The following SUGCT variants were observed in gnomAD, a reference collection of about 807,000 sequenced individuals.
The protein encoded by SUGCT is succinyl-CoA:glutarate-CoA transferase, also known as succinyl-CoA:glutarate CoA-transferase.
SUGCT carries 41 observed loss-of-function variants against 55.0 expected under a neutral mutation model. The observed-to-expected ratio is 0.74, with a 90% CI of 0.58 to 0.97. The LOEUF is 0.97. Among genes scored for constraint, SUGCT ranks in the 50% least tolerant of loss-of-function variants. The probability of loss-of-function intolerance (pLI) is 0.00; values close to 1 mark genes in which losing one functional copy is unlikely to be tolerated. For synonymous variants in SUGCT, 187 were observed against 200.4 expected, an observed-to-expected ratio of 0.93 and a Z score of 0.56; for missense variants, 568 against 547.8, an observed-to-expected ratio of 1.04 and a Z score of -0.37.
chr7:40,188,570 G>A lies in SUGCT; in HGVS notation c.302G>A (p.Arg101Gln), dbSNP rs376341860. The A allele has an allele frequency of 2.8e-5, 44 of 1,596,996 alleles. No homozygotes were observed. Among genetic ancestry groups the A allele is most frequent in the East Asian group, 9.1e-5 (4 of 44,148 alleles). ...TESTYYLSVNRNKKSIAVNIK... is the reference protein window; with the variant it reads ...TESTYYLSVNQNKKSIAVNIK... ...AGTACATATTATCTCAGTGTTAACC[G>A]AAATAAAAAAGTAAGAATATCATCC... Residue 101 changes from arginine (R) to glutamine (Q), a missense_variant, in exon 4 of 14, where the codon CGA becomes CAA. Physicochemically the swap from Arg to Gln is conservative, Grantham distance 43. Transcript: ENST00000335693.
At chr7:40,571,473 C>G (rs1584015020) in intron 12 of SUGCT, among the ~76,000 whole-genome samples, 2 of 152,004 alleles carry the variant, frequency 1.3e-5, no homozygotes, top group South Asian at 2.1e-4. Context: ...CATTATTTTC[C>G]TATTTCAAAA....
chr7:40,528,658 T>C (rs573415409), intron 12 of SUGCT, among the ~76,000 whole-genome samples: 10 of 152,326 alleles, frequency 6.6e-5, no homozygotes, highest in Non-Finnish European at 1.0e-4. Flanking sequence ...ATGAAAATCT[T>C]TTCTTCTGAA....
intron 9 of SUGCT, among the ~76,000 whole-genome samples, chr7:40,409,405 G>T (rs1583618038): frequency 6.6e-6 from 1 of 152,052 alleles, no homozygotes; most frequent in East Asian, 1.9e-4. Context: ...GACTACAGGT[G>T]TGCACCACCA....
chr7:40,352,652 A>G (rs190386087), intron 9 of SUGCT, among the ~76,000 whole-genome samples: 9 of 152,238 alleles, frequency 5.9e-5, no homozygotes, highest in Admixed American at 3.9e-4. Flanking sequence ...TGGCTGTGAA[A>G]TATTCCATGC....
At chr7:40,292,437 G>A (rs1161776615) in intron 8 of SUGCT, among the ~76,000 whole-genome samples, 1 of 152,060 alleles carries the variant, frequency 6.6e-6, no homozygotes, top group Non-Finnish European at 1.5e-5. Flanking sequence ...CGACAATTCA[G>A]ATGCATTTTG....
At chr7:40,340,992 G>A (rs1462489104) in intron 9 of SUGCT, among the ~76,000 whole-genome samples, 3 of 152,204 alleles carry the variant, frequency 2.0e-5, no homozygotes, top group African/African-American at 7.2e-5. Flanking sequence ...TGGCCTGATG[G>A]ATATAAGTAA....
At chr7:40,482,524 A>G (rs180966121) in intron 11 of SUGCT, among the ~76,000 whole-genome samples, 1 of 152,224 alleles carries the variant, frequency 6.6e-6, no homozygotes, top group African/African-American at 2.4e-5. Flanking sequence ...ATTTGGTATT[A>G]CTTTACCAGT....
chr7:40,855,877 T>C (rs761450903), intron 13 of SUGCT, among the ~76,000 whole-genome samples: 9 of 152,232 alleles, frequency 5.9e-5, no homozygotes, highest in Non-Finnish European at 1.3e-4. Context: ...TATAGCTTTC[T>C]TGAGCTTCTT....
At chr7:40,144,261 A>G (rs912720158) in intron 1 of SUGCT, among the ~76,000 whole-genome samples, 1 of 152,202 alleles carries the variant, frequency 6.6e-6, no homozygotes. Context: ...GCAAGCATCA[A>G]ATGCAATAGT....
chr7:40,195,188 C>A, intron 6 of SUGCT, 128 bp downstream of exon 6: 1 of 994,228 alleles, frequency 1.0e-6, no homozygotes, highest in Non-Finnish European at 1.4e-6. Context: ...TTTCCAAGGC[C>A]GTTTAGGTTG....
At chr7:40,637,643 C>A (rs1323246533) in intron 12 of SUGCT, among the ~76,000 whole-genome samples, 1 of 152,196 alleles carries the variant, frequency 6.6e-6, no homozygotes, top group Non-Finnish European at 1.5e-5. Flanking sequence ...GTAGGAACAC[C>A]ACAGCTTAGT....
chr7:40,290,110 C>T (rs1562650274), intron 8 of SUGCT, among the ~76,000 whole-genome samples: 3 of 152,000 alleles, frequency 2.0e-5, no homozygotes, highest in Non-Finnish European at 2.9e-5. Context: ...AATGCCATCC[C>T]CATCAAGCTA....
At chr7:40,884,378 T>G in the SUGCT span, among the ~76,000 whole-genome samples, 1 of 152,126 alleles carries the variant, frequency 6.6e-6, no homozygotes. Flanking sequence ...CTCATAACCC[T>G]CTGGTGAGGG....
chr7:40,629,824 C>T (rs1562911936), intron 12 of SUGCT, among the ~76,000 whole-genome samples: 2 of 152,098 alleles, frequency 1.3e-5, no homozygotes, highest in African/African-American at 2.4e-5. Context: ...TAAAATTACC[C>T]TGGAAGGATA....
the SUGCT span, among the ~76,000 whole-genome samples, chr7:40,874,366 T>C: frequency 3.9e-5 from 6 of 152,220 alleles, no homozygotes; most frequent in Non-Finnish European, 7.3e-5. Context: ...TGAGAGATAG[T>C]AGTCTTGTAT....
chr7:40,816,245 C>T (rs1381405324), intron 13 of SUGCT, among the ~76,000 whole-genome samples: 1 of 152,246 alleles, frequency 6.6e-6, no homozygotes, highest in Non-Finnish European at 1.5e-5. Flanking sequence ...CCAACACAGT[C>T]ATGCTGCTAG....
intron 6 of SUGCT, among the ~76,000 whole-genome samples, chr7:40,229,549 A>G (rs1024394976): frequency 6.6e-6 from 1 of 151,670 alleles, no homozygotes; most frequent in African/African-American, 2.4e-5. Flanking sequence ...GCGGTGGCTT[A>G]CACCTGTAAT....
chr7:40,429,721 C>T (rs949916569), intron 9 of SUGCT, among the ~76,000 whole-genome samples: 1 of 152,188 alleles, frequency 6.6e-6, no homozygotes, highest in Non-Finnish European at 1.5e-5. Context: ...GTCTGCCTCT[C>T]CTAGCCCACT....
At chr7:40,638,260 A>G (rs983926387) in intron 12 of SUGCT, among the ~76,000 whole-genome samples, 5 of 152,214 alleles carry the variant, frequency 3.3e-5, no homozygotes, top group African/African-American at 7.2e-5. Flanking sequence ...CTACTAGTTA[A>G]GTGAATTCAA....
Sources: allele counts gnomAD v4.1 joint callset (sites outside exome capture counted in the v4.1 genomes callset), GRCh38; gene constraint gnomAD v4.1.1; transcripts MANE v1.5; gene names NCBI Gene and HGNC (gene_info 2026-07-23, HGNC 2026-07-21).